Variants in FBP1 observed in about 807,000 individuals in gnomAD.
FBP1 encodes fructose-1,6-bisphosphatase 1.
Under a neutral mutation model 29.9 loss-of-function variants are expected in FBP1, and 22 were observed. That is an observed-to-expected ratio of 0.74 (90% CI 0.53 to 1.05). FBP1 has a LOEUF of 1.05. Among genes scored for constraint, FBP1 ranks in the 50% least tolerant of loss-of-function variants. FBP1 has a pLI of 0.00. For synonymous variants in FBP1, 175 were observed against 178.6 expected (o/e 0.98, Z 0.16); for missense variants, 345 against 448.2 (o/e 0.77, Z 2.08).
At chr9:94,621,623 T>C (rs1827952159) in intron 1 of FBP1, among the ~76,000 whole-genome samples, 1 of 152,106 alleles carries the variant, frequency 6.6e-6, no homozygotes, top group Non-Finnish European at 1.5e-5. Flanking sequence ...TCAACCATAC[T>C]CCCCCATGAA....
intron 3 of FBP1, among the ~76,000 whole-genome samples, chr9:94,614,569 C>G (rs1020408203): frequency 6.6e-6 from 1 of 152,012 alleles, no homozygotes; most frequent in Non-Finnish European, 1.5e-5. Flanking sequence ...TCGGTAGGCC[C>G]TGGAAAGATG....
intron 2 of FBP1, among the ~76,000 whole-genome samples, 160 bp downstream of exon 2, chr9:94,620,169 C>T (rs943073077): frequency 6.6e-6 from 1 of 152,088 alleles, no homozygotes; most frequent in Non-Finnish European, 1.5e-5. Context: ...AGGGAGGATT[C>T]GAGAGATGGC....
intron 1 of FBP1, among the ~76,000 whole-genome samples, chr9:94,628,185 G>A (rs371527848): frequency 7.9e-5 from 12 of 152,246 alleles, no homozygotes; most frequent in South Asian, 4.1e-4. Flanking sequence ...ACAGGAGTTC[G>A]AGACCAGCCT....
At chr9:94,634,480 T>C (rs993250159) in intron 1 of FBP1, among the ~76,000 whole-genome samples, 7 of 152,148 alleles carry the variant, frequency 4.6e-5, no homozygotes, top group Non-Finnish European at 1.0e-4. Context: ...CAGTCAGTGA[T>C]TTGGAAATGG....
chr9:94,627,216 G>C (rs547421857), intron 1 of FBP1, among the ~76,000 whole-genome samples: 1 of 149,314 alleles, frequency 6.7e-6, no homozygotes. Flanking sequence ...TTAGCCGGGC[G>C]TGGTGGCGGG....
chr9:94,624,662 A>G (rs949947130), intron 1 of FBP1, among the ~76,000 whole-genome samples: 2 of 152,110 alleles, frequency 1.3e-5, no homozygotes, highest in African/African-American at 4.8e-5. Flanking sequence ...TCAAAAAAAT[A>G]AAAAAAAGAA....
At chr9:94,621,231 A>T (rs1164877404) in intron 1 of FBP1, among the ~76,000 whole-genome samples, 6 of 144,394 alleles carry the variant, frequency 4.2e-5, no homozygotes, top group Non-Finnish European at 9.1e-5. Context: ...AAAAAAAAAA[A>T]AAAAAATACA....
intron 4 of FBP1, among the ~76,000 whole-genome samples, chr9:94,607,276 T>C (rs1161063032): frequency 6.6e-6 from 1 of 151,794 alleles, no homozygotes; most frequent in Non-Finnish European, 1.5e-5. Context: ...TGCAAGAGAG[T>C]AAGAACCGTG....
At chr9:94,610,857 G>T (rs1481403630) in intron 3 of FBP1, among the ~76,000 whole-genome samples, 1 of 139,972 alleles carries the variant, frequency 7.1e-6, no homozygotes, top group Non-Finnish European at 1.5e-5. Flanking sequence ...TACTATTAAT[G>T]ATTTTCTTCT....
intron 1 of FBP1, among the ~76,000 whole-genome samples, chr9:94,634,100 C>A (rs1828154259): frequency 6.6e-6 from 1 of 150,888 alleles, no homozygotes; most frequent in Non-Finnish European, 1.5e-5. Flanking sequence ...TTGAGACCAG[C>A]CTGACCAACA....
chr9:94,608,087 G>T (rs1026450659), intron 4 of FBP1, among the ~76,000 whole-genome samples: 6 of 152,200 alleles, frequency 3.9e-5, no homozygotes, highest in African/African-American at 1.4e-4. Context: ...GCAGAGCGCA[G>T]GGCCCAGCCA....
chr9:94,628,985 T>C (rs1043344397), intron 1 of FBP1, among the ~76,000 whole-genome samples: 4 of 152,202 alleles, frequency 2.6e-5, no homozygotes, highest in African/African-American at 9.6e-5. Context: ...TTTGTTGTTG[T>C]TTTTTGTTTG....
At chr9:94,614,006 G>A (rs1199799186) in intron 3 of FBP1, among the ~76,000 whole-genome samples, 3 of 150,742 alleles carry the variant, frequency 2.0e-5, no homozygotes, top group East Asian at 4.0e-4. Flanking sequence ...GCGTGAACCC[G>A]GGAGGCAGGG....
At chr9:94,619,874 CAAAAAAAAAAAAAAAAAA>C in intron 2 of FBP1, among the ~76,000 whole-genome samples, 1 of 99,170 alleles carries the variant, frequency 1.0e-5, no homozygotes, top group Non-Finnish European at 1.8e-5. Context: ...AACACTGTCT[CAAAAAAAAAAAAAAAAAA>C]AAAAAAAAAA....
intron 3 of FBP1, among the ~76,000 whole-genome samples, chr9:94,615,888 C>T (rs4077248): frequency 6.7e-6 from 1 of 150,120 alleles, no homozygotes; most frequent in Non-Finnish European, 1.5e-5. Flanking sequence ...AGTCCAGTAG[C>T]GCGATCTTGG....
chr9:94,607,082 GCCCC>G, intron 4 of FBP1, 130 bp from the exon 5 acceptor site: 1 of 1,118,040 alleles, frequency 8.9e-7, no homozygotes, highest in South Asian at 1.3e-5. Flanking sequence ...TCATCTTGGG[GCCCC>G]GAGACACCTG....
chr9:94,619,073 A>T (rs1367483192), intron 2 of FBP1, among the ~76,000 whole-genome samples: 1 of 152,168 alleles, frequency 6.6e-6, no homozygotes, highest in Non-Finnish European at 1.5e-5. Context: ...AAACTGGAAC[A>T]CAGGAAGCTG....
Position 94,639,378 on chromosome 9 carries a change from C to T in FBP1, c.-68G>A. ...GGTGCGGGGCTGCAGGTGCGGGCGG[C>T]AAGAGAGGGCAGTAGGCACTGGCCG... is the stretch of plus-strand genomic sequence containing the variant. On this transcript the variant is annotated 5_prime_UTR_variant, in exon 1 of 7. Transcript: ENST00000375326. 1 of 1,533,960 alleles carries T rather than the reference C, an allele frequency of 6.5e-7. No individual in the cohort carries two copies. Among genetic ancestry groups the T allele is most frequent in the Non-Finnish European group, 8.8e-7 (1 of 1,130,368 alleles).
rs558159759 is a variant in FBP1, at chr9:94,638,998, CAG to C, written c.170+141_170+142del. 2.3e-4 allele frequency: 198 copies of C among 859,066 alleles called. No homozygotes were observed. The African/African-American group carries it at 2.7e-3, about 12-fold the overall frequency. The allele number at this position is 859,066 out of a possible 1,614,324, so 53.2% of individuals were successfully genotyped here. A position where few individuals can be genotyped will look rare whatever the true frequency, so the allele number is the denominator to read the frequency against. On this transcript the variant is annotated intron_variant, in intron 1 of 6. Transcript: ENST00000375326. ...GCTTCTGGAGAGAGGGGCTACCAGA[CAG>C]AGAGCGAGAGAGGCGCTCAGACATC...
Sources: allele counts gnomAD v4.1 joint callset (sites outside exome capture counted in the v4.1 genomes callset), GRCh38; gene constraint gnomAD v4.1.1; transcripts MANE v1.5; gene names NCBI Gene and HGNC (gene_info 2026-07-23, HGNC 2026-07-21).